NAALADL2: variants seen among roughly 807,000 people sequenced by gnomAD.
The protein encoded by NAALADL2 is N-acetylated alpha-linked acidic dipeptidase like 2, also known as inactive N-acetylated-alpha-linked acidic dipeptidase-like protein 2.
Under a neutral mutation model 87.2 loss-of-function variants are expected in NAALADL2, and 76 were observed. The observed-to-expected ratio is 0.87, with a 90% CI of 0.72 to 1.05. The LOEUF (loss-of-function observed/expected upper bound fraction) is 1.05. NAALADL2 is among the 50% of genes least tolerant of loss of function. The pLI, the probability that NAALADL2 is intolerant of heterozygous loss-of-function variation, is 0.00. For missense variants in NAALADL2, 1,089 were observed against 945.8 expected, an observed-to-expected ratio of 1.15 and a Z score of -1.99; for synonymous variants, 354 against 331.0, an observed-to-expected ratio of 1.07 and a Z score of -0.75.
chr3:174,483,052 C>T (rs1717655657), intron 1 of NAALADL2, among the ~76,000 whole-genome samples: 2 of 151,986 alleles, frequency 1.3e-5, no homozygotes, highest in Non-Finnish European at 2.9e-5. Context: ...GGTGGAGATA[C>T]ATCCAGTGTT....
At chr3:174,714,955 A>G (rs1731042313) in intron 2 of NAALADL2, among the ~76,000 whole-genome samples, 1 of 152,118 alleles carries the variant, frequency 6.6e-6, no homozygotes, top group South Asian at 2.1e-4. Context: ...AGCTCTTATT[A>G]TTTTGAGATA....
chr3:174,860,431 G>C (rs185934011), intron 1 of NAALADL2, among the ~76,000 whole-genome samples: 39 of 152,032 alleles, frequency 2.6e-4, no homozygotes, highest in African/African-American at 8.9e-4. Flanking sequence ...TTCTATTGAA[G>C]AAAAACAGTA....
chr3:175,273,979 A>C (rs1753228255), intron 4 of NAALADL2, among the ~76,000 whole-genome samples: 1 of 152,094 alleles, frequency 6.6e-6, no homozygotes, highest in Admixed American at 6.5e-5. Flanking sequence ...CTGTTTTTTG[A>C]TTAATGCAGT....
chr3:175,105,969 T>C (rs1723084633), intron 2 of NAALADL2, among the ~76,000 whole-genome samples: 1 of 152,094 alleles, frequency 6.6e-6, no homozygotes. Context: ...GGTCTTTTTT[T>C]ATCCTGTTAG....
At chr3:175,360,862 C>CT (rs199509345) in intron 5 of NAALADL2, among the ~76,000 whole-genome samples, 15,625 of 142,136 alleles carry the variant, frequency 0.11, 1,067 homozygotes, top group Non-Finnish European at 0.16. Flanking sequence ...CTCACAATTT[C>CT]TTTTTTTTTA....
At chr3:174,976,299 A>C (rs570262062) in intron 1 of NAALADL2, among the ~76,000 whole-genome samples, 26 of 152,332 alleles carry the variant, frequency 1.7e-4, no homozygotes, top group African/African-American at 5.5e-4. Flanking sequence ...AAGTACTGGA[A>C]AAAATTGTCT....
intron 13 of NAALADL2, among the ~76,000 whole-genome samples, chr3:175,796,099 G>C (rs529926044): frequency 1.4e-5 from 2 of 147,974 alleles, no homozygotes; most frequent in African/African-American, 5.0e-5. Flanking sequence ...GTGGGGGAGA[G>C]TGGGGGAGAG....
At chr3:175,121,994 G>A (rs554540510) in intron 2 of NAALADL2, among the ~76,000 whole-genome samples, 8 of 151,930 alleles carry the variant, frequency 5.3e-5, no homozygotes, top group African/African-American at 1.9e-4. Flanking sequence ...GCGACACATT[G>A]TAATAGTTGA....
At chr3:175,147,403 C>T (rs982560038) in intron 2 of NAALADL2, among the ~76,000 whole-genome samples, 1 of 152,114 alleles carries the variant, frequency 6.6e-6, no homozygotes, top group African/African-American at 2.4e-5. Context: ...ATCCAGGTTG[C>T]TACACAGAAC....
intron 13 of NAALADL2, among the ~76,000 whole-genome samples, chr3:175,763,369 A>AT (rs1428851343): frequency 6.6e-6 from 1 of 152,136 alleles, no homozygotes; most frequent in Non-Finnish European, 1.5e-5. Flanking sequence ...TTCTTCCTAG[A>AT]TTCTTTTAGC....
intron 1 of NAALADL2, among the ~76,000 whole-genome samples, chr3:174,514,523 A>G (rs373053015): frequency 1.3e-5 from 2 of 152,308 alleles, no homozygotes; most frequent in East Asian, 1.9e-4. Context: ...TTGTTTCACT[A>G]TCAAGAGAGT....
At chr3:175,260,526 CAA>C (rs1480043260) in intron 4 of NAALADL2, among the ~76,000 whole-genome samples, 9 of 152,134 alleles carry the variant, frequency 5.9e-5, no homozygotes, top group Admixed American at 5.9e-4. Flanking sequence ...CAATTTGCTT[CAA>C]CTGTCCATCA....
chr3:175,246,074 A>G (rs1459825672), intron 3 of NAALADL2, among the ~76,000 whole-genome samples: 1 of 152,190 alleles, frequency 6.6e-6, no homozygotes, highest in African/African-American at 2.4e-5. Context: ...GAGTGAACCT[A>G]AAACAGAAGC....
At chr3:175,730,429 T>TATATAG (rs1743564654) in intron 11 of NAALADL2, among the ~76,000 whole-genome samples, 1 of 87,886 alleles carries the variant, frequency 1.1e-5, no homozygotes, top group Non-Finnish European at 2.5e-5. Flanking sequence ...TATATATATA[T>TATATAG]ATATATATAT....
At chr3:175,211,432 T>A (rs1447707244) in intron 2 of NAALADL2, among the ~76,000 whole-genome samples, 2 of 151,956 alleles carry the variant, frequency 1.3e-5, no homozygotes, top group Non-Finnish European at 2.9e-5. Flanking sequence ...ACACTTCCTA[T>A]TGAAACTAGT....
intron 10 of NAALADL2, among the ~76,000 whole-genome samples, chr3:175,582,557 A>T (rs1187347555): frequency 6.6e-6 from 1 of 152,196 alleles, no homozygotes; most frequent in Non-Finnish European, 1.5e-5. Flanking sequence ...ATGATAAACC[A>T]TGTTATAAAA....
At chr3:174,912,041 T>A (rs1429923605) in intron 1 of NAALADL2, among the ~76,000 whole-genome samples, 4 of 152,036 alleles carry the variant, frequency 2.6e-5, no homozygotes, top group Admixed American at 2.6e-4. Flanking sequence ...TCCACCAATT[T>A]CTCTTCTCAC....
At chr3:175,680,571 A>C (rs1224265956) in intron 11 of NAALADL2, among the ~76,000 whole-genome samples, 2 of 152,176 alleles carry the variant, frequency 1.3e-5, no homozygotes, top group African/African-American at 4.8e-5. Flanking sequence ...TATGCTGTAC[A>C]TCCTTGATCC....
intron 10 of NAALADL2, among the ~76,000 whole-genome samples, chr3:175,585,647 AT>A (rs1720440335): frequency 6.6e-6 from 1 of 152,178 alleles, no homozygotes; most frequent in African/African-American, 2.4e-5. Flanking sequence ...TTTCCAAAAA[AT>A]ATAAGTGGAA....
Sources: gnomAD v4.1 joint callset for allele counts (sites outside exome capture counted in the v4.1 genomes callset) on GRCh38, gnomAD v4.1.1 for gene constraint, MANE v1.5 for transcripts, NCBI Gene and HGNC (gene_info 2026-07-23, HGNC 2026-07-21) for gene names.